Variants in OTUD7A observed in about 807,000 individuals in gnomAD.
OTUD7A encodes the protein OTU deubiquitinase 7A, also known as OTU domain-containing protein 7A.
Under a neutral mutation model 65.7 loss-of-function variants are expected in OTUD7A, and 12 were observed. The ratio of observed to expected loss-of-function variants is 0.18; its 90% CI spans 0.12 to 0.30. The LOEUF (loss-of-function observed/expected upper bound fraction) is 0.30, where lower values mean the gene tolerates loss of function less well. Ranked by LOEUF, OTUD7A falls within the 10% of genes least tolerant of loss-of-function variation. The pLI, the probability that OTUD7A is intolerant of heterozygous loss-of-function variation, is 1.00. For synonymous variants in OTUD7A, 641 were observed against 586.3 expected (o/e 1.09, Z -1.35); for missense variants, 1,148 against 1,304.8 (o/e 0.88, Z 1.85).
At chr15:31,645,493 C>T (rs1029952339) in intron 3 of OTUD7A, among the ~76,000 whole-genome samples, 1 of 152,156 alleles carries the variant, frequency 6.6e-6, no homozygotes, top group Non-Finnish European at 1.5e-5. Context: ...CATCTCCTCT[C>T]CCACCCATTC....
chr15:31,515,974 G>A (rs564237077), intron 8 of OTUD7A, among the ~76,000 whole-genome samples: 32 of 145,538 alleles, frequency 2.2e-4, no homozygotes, highest in African/African-American at 7.0e-4. Context: ...ACCTACGCAC[G>A]CATCCATCCA....
At chr15:31,539,197 C>T (rs963914567) in intron 5 of OTUD7A, among the ~76,000 whole-genome samples, 4 of 152,118 alleles carry the variant, frequency 2.6e-5, no homozygotes, top group African/African-American at 9.7e-5. Flanking sequence ...ATATTCCTTC[C>T]TCCCCACACC....
intron 1 of OTUD7A, among the ~76,000 whole-genome samples, chr15:31,703,105 C>T (rs1893250966): frequency 6.6e-6 from 1 of 152,006 alleles, no homozygotes; most frequent in Non-Finnish European, 1.5e-5. Context: ...TAAAAATTAA[C>T]TTAAAATGGA....
intron 1 of OTUD7A, among the ~76,000 whole-genome samples, chr15:31,764,425 C>A (rs1895048871): frequency 6.6e-6 from 1 of 151,988 alleles, no homozygotes; most frequent in South Asian, 2.1e-4. Context: ...GATTTTATTA[C>A]AACCCAGGCA....
intron 3 of OTUD7A, among the ~76,000 whole-genome samples, chr15:31,608,105 C>G (rs1813397): frequency 0.32 from 48,076 of 151,680 alleles, 9,694 homozygotes; most frequent in African/African-American, 0.57. Flanking sequence ...AAATTAGCTG[C>G]GCATGGTGGC....
Position 31,726,144 on chromosome 15 carries a change from A to C in OTUD7A, c.-99-69067T>G, listed in dbSNP as rs188883354. ...TTGAGCTCCTTTTTCTTCTCTGTCT[A>C]CACTTTCCTCCCTTGTAATCTTATT... On this transcript the variant is annotated intron_variant, in intron 1 of 12. Coordinates refer to ENST00000307050, the MANE Select transcript of OTUD7A (RefSeq NM_001382637.1). Among the ~76,000 whole-genome samples, 411 of 151,538 alleles carry C rather than the reference A, an allele frequency of 2.7e-3. 2 individuals carry two copies. The highest frequency in any genetic ancestry group is 5.1e-3 in the Admixed American group (77 of 15,174).
Position 31,530,740 on chromosome 15 carries a change from C to T in OTUD7A, c.619G>A (p.Asp207Asn). The T allele has an allele frequency of 6.2e-7, 1 of 1,614,206 alleles. No homozygotes were observed. Among genetic ancestry groups the T allele is most frequent in the Non-Finnish European group, 8.5e-7 (1 of 1,180,028 alleles). ...KRLLPLATTG[D>N]GNCLLHAASL... ...GCAGCATGTAAAAGGCAGTTCCCATCCCCTGTTGTGGCCAGAGGAAGAAGC... is the reference window on the plus strand; with the variant it reads ...GCAGCATGTAAAAGGCAGTTCCCATTCCCTGTTGTGGCCAGAGGAAGAAGC... The change falls in exon 6 of 13, where the codon GAT becomes AAT. Residue 207 changes from aspartate (D) to asparagine (N), a missense_variant. Physicochemically the swap from Asp to Asn is conservative, Grantham distance 23 (BLOSUM62 1). This residue lies in a region of OTUD7A where 134 missense variants were observed against 252.6 expected (regional missense o/e 0.53). Coordinates refer to ENST00000307050, the MANE Select transcript of OTUD7A (RefSeq NM_001382637.1).
chr15:31,652,942 G>A (rs924486553), intron 3 of OTUD7A, among the ~76,000 whole-genome samples: 1 of 152,082 alleles, frequency 6.6e-6, no homozygotes, highest in African/African-American at 2.4e-5. Flanking sequence ...AGGTTAACAT[G>A]TATTTAGCCT....
chr15:31,559,235 G>C (rs749899794), intron 4 of OTUD7A, 48 bp from the exon 5 acceptor site: 6 of 1,553,208 alleles, frequency 3.9e-6, no homozygotes, highest in Non-Finnish European at 5.3e-6. Flanking sequence ...GTGGGTGTAG[G>C]TGTGGCTCTA....
In OTUD7A at chr15:31,602,304, G is replaced by A. The variant is rs145542239; in HGVS notation, c.152-32107C>T. Among the ~76,000 whole-genome samples the A allele has an allele frequency of 2.6e-5, 4 of 152,212 alleles. No homozygotes were observed. The East Asian group carries it at 5.8e-4, about 22-fold the overall frequency. ...GGGATGCAAGGCTGGTTCAACATAC[G>A]CAAATCAAGAAATGTAATGCATCAC... On this transcript the variant is annotated intron_variant, in intron 3 of 12. Transcript: ENST00000307050.
chr15:31,511,067 A>ATATGTATATCTATATGTAACATACATG lies in OTUD7A; in HGVS notation c.894-7250_894-7249insCATGTATGTTACATATAGATATACATA. ...ATGTATATCTATATGTAACATACAT[A>ATATGTATATCTATATGTAACATACATG]TATATGTATATCTATATGTAACATA... On this transcript the variant is annotated intron_variant, in intron 8 of 12. Coordinates refer to ENST00000307050, the MANE Select transcript of OTUD7A (RefSeq NM_001382637.1). 2.2e-3 allele frequency among the ~76,000 whole-genome samples: 144 copies of ATATGTATATCTATATGTAACATACATG among 66,460 alleles called. 54 individuals carry two copies. The highest frequency in any genetic ancestry group is 3.1e-3 in the Non-Finnish European group (111 of 36,364). 43.6% of individuals were successfully genotyped at this position (66,460 alleles called of 152,430 possible). A position where few individuals can be genotyped will look rare whatever the true frequency, so the allele number is the denominator to read the frequency against.
intron 8 of OTUD7A, among the ~76,000 whole-genome samples, chr15:31,504,287 C>T (rs1264389331): frequency 6.6e-6 from 1 of 152,002 alleles, no homozygotes; most frequent in Non-Finnish European, 1.5e-5. Context: ...ATCTGAGGAG[C>T]CTTCTAGAAG....
intron 1 of OTUD7A, among the ~76,000 whole-genome samples, chr15:31,819,573 T>C (rs1480615404): frequency 6.6e-6 from 1 of 152,210 alleles, no homozygotes; most frequent in African/African-American, 2.4e-5. Flanking sequence ...TGTTTGGGAA[T>C]ATGGAATTTT....
intron 5 of OTUD7A, among the ~76,000 whole-genome samples, chr15:31,541,095 T>C (rs534942374): frequency 7.2e-5 from 11 of 152,328 alleles, no homozygotes; most frequent in African/African-American, 2.6e-4. Context: ...TGTCCAGAGG[T>C]TCTCAGAAAT....
intron 1 of OTUD7A, among the ~76,000 whole-genome samples, chr15:31,663,922 T>C (rs60070462): frequency 0.031 from 4,776 of 152,210 alleles, 240 homozygotes; most frequent in African/African-American, 0.11. Flanking sequence ...GAACATACGA[T>C]GTTTGGTTTT....
chr15:31,804,303 C>T (rs1896211465), intron 1 of OTUD7A, among the ~76,000 whole-genome samples: 1 of 152,198 alleles, frequency 6.6e-6, no homozygotes, highest in Non-Finnish European at 1.5e-5. Context: ...TTCTTGGACG[C>T]AACCTTAAAA....
chr15:31,524,075 G>C (rs957260179), intron 8 of OTUD7A, among the ~76,000 whole-genome samples: 1 of 152,124 alleles, frequency 6.6e-6, no homozygotes, highest in Non-Finnish European at 1.5e-5. Flanking sequence ...GAGGCATCTG[G>C]CTACAGAAGC....
chr15:31,552,222 C>A (rs555691814), intron 5 of OTUD7A, among the ~76,000 whole-genome samples: 1 of 152,258 alleles, frequency 6.6e-6, no homozygotes, highest in African/African-American at 2.4e-5. Flanking sequence ...AGATGCTGGC[C>A]CCATGCTTCT....
intron 8 of OTUD7A, among the ~76,000 whole-genome samples, chr15:31,509,224 T>C (rs1203839696): frequency 2.0e-5 from 3 of 152,126 alleles, no homozygotes; most frequent in Non-Finnish European, 2.9e-5. Context: ...GGATACCTCT[T>C]TAGCTAATAT....
Sources: allele counts gnomAD v4.1 joint callset (sites outside exome capture counted in the v4.1 genomes callset), GRCh38; gene constraint gnomAD v4.1.1; regional missense constraint gnomAD v4.1.1; transcripts MANE v1.5; gene names NCBI Gene and HGNC (gene_info 2026-07-23, HGNC 2026-07-21).